The following TESK2 variants were observed in gnomAD, a reference collection of about 807,000 sequenced individuals.
The protein encoded by TESK2 is dual specificity testis-specific protein kinase 2.
A neutral mutation model predicts 57.1 loss-of-function variants in TESK2; 39 were observed. The observed-to-expected ratio is 0.68, with a 90% confidence interval of 0.53 to 0.89. TESK2 has a LOEUF of 0.89. TESK2 is among the 40% of genes least tolerant of loss of function. The pLI is 0.00. For missense variants in TESK2, 646 were observed against 732.1 expected (o/e 0.88, Z 1.36); for synonymous variants, 249 against 267.9 (o/e 0.93, Z 0.69).
rs1454560122 is a variant in TESK2 at position 45,457,586 on chromosome 1, C to G, written c.200G>C (p.Gly67Ala). 1 of 1,613,982 alleles carries G rather than the reference C, an allele frequency of 6.2e-7. No homozygotes were observed. The highest frequency in any genetic ancestry group is 8.5e-7 in the Non-Finnish European group (1 of 1,179,966). The change falls in exon 2 of 11, where the codon GGC becomes GCC. Residue 67 changes from glycine to alanine, a missense_variant. Transcript: ENST00000372086. Reference protein sequence around the residue: ...DDFTCEKIGSGFFSEVFKVRH... With the variant: ...DDFTCEKIGSAFFSEVFKVRH... ...CACCTTGAACACTTCAGAAAAGAAG[C>G]CAGACCCTATTTTTTCACAGGTGAA...
intron 4 of TESK2, among the ~76,000 whole-genome samples, chr1:45,380,491 CTCT>C (rs1165254917): frequency 6.6e-6 from 1 of 152,176 alleles, no homozygotes; most frequent in Non-Finnish European, 1.5e-5. Context: ...GCATCTCTTT[CTCT>C]TCTCTCTTTC....
chr1:45,479,858 G>A lies in TESK2; in HGVS notation c.-87+10994C>T, dbSNP rs562182453. Among the ~76,000 whole-genome samples, 3 of 109,422 alleles carry A rather than the reference G, an allele frequency of 2.7e-5. No individual in the cohort carries two copies. The East Asian group carries it at 8.6e-4, about 31-fold the overall frequency. 71.8% of individuals were successfully genotyped at this position (109,422 alleles called of 152,430 possible). A position where few individuals can be genotyped will look rare whatever the true frequency, so the allele number is the denominator to read the frequency against. ...TTTTGAGATGGAGTCTCACTCTGTTGCCCAGGCCAGAGTGCAGTGGCAAGA... is the reference window on the plus strand; with the variant it reads ...TTTTGAGATGGAGTCTCACTCTGTTACCCAGGCCAGAGTGCAGTGGCAAGA... On this transcript the variant is annotated intron_variant, in intron 1 of 10. Coordinates refer to ENST00000372086, the MANE Select transcript of TESK2 (RefSeq NM_007170.3).
chr1:45,346,012 A>G lies in TESK2; in HGVS notation c.880-18T>C, dbSNP rs1456310643. On this transcript the variant is annotated intron_variant, in intron 9 of 10. Transcript: ENST00000372086. The stretch of plus-strand genomic sequence containing the variant: ...GGATCCATCTGTAGGTATCCACAAC[A>G]GCCATGAGCTCTGCCCTCCATCTCC... The G allele has an allele frequency of 6.3e-7, 1 of 1,579,978 alleles. No individual in the cohort carries two copies. Among genetic ancestry groups the G allele is most frequent in the Non-Finnish European group, 8.7e-7 (1 of 1,148,938 alleles).
At chr1:45,476,889 A>G (rs534895973) in intron 1 of TESK2, among the ~76,000 whole-genome samples, 1 of 151,756 alleles carries the variant, frequency 6.6e-6, no homozygotes, top group East Asian at 2.0e-4. Flanking sequence ...ACTCATGCCT[A>G]TAATCCTACC....
intron 1 of TESK2, among the ~76,000 whole-genome samples, chr1:45,465,869 A>G (rs995889232): frequency 6.6e-6 from 1 of 152,214 alleles, no homozygotes; most frequent in Non-Finnish European, 1.5e-5. Flanking sequence ...ACAAATTATA[A>G]GTAGCAATGT....
intron 4 of TESK2, among the ~76,000 whole-genome samples, chr1:45,365,089 C>T (rs1057054637): frequency 6.6e-6 from 1 of 152,174 alleles, no homozygotes; most frequent in African/African-American, 2.4e-5. Flanking sequence ...AGCCGACATC[C>T]CATCCTGCTG....
chr1:45,433,072 T>C (rs1651048414), intron 2 of TESK2, among the ~76,000 whole-genome samples: 2 of 117,096 alleles, frequency 1.7e-5, no homozygotes, highest in Non-Finnish European at 1.8e-5. Context: ...CCGCTTTTTT[T>C]TTTTTTTTTT....
rs1651369150 is a variant in TESK2 at position 45,439,868 on chromosome 1, G to A, written c.222+17696C>T. 2.6e-5 allele frequency among the ~76,000 whole-genome samples: 4 copies of A among 152,238 alleles called. No individual in the cohort carries two copies. In the South Asian group the frequency reaches 8.3e-4, roughly 32 times the overall value. On this transcript the variant is annotated intron_variant, in intron 2 of 10. Transcript: ENST00000372086. ...AGCCATTCAAGAGGCTGAGGCAGGA[G>A]GATCACTTGAGCCCAGCAGTTCCAG...
intron 2 of TESK2, among the ~76,000 whole-genome samples, chr1:45,447,226 A>C (rs998199): frequency 0.53 from 80,027 of 152,054 alleles, 21,493 homozygotes; most frequent in African/African-American, 0.63. Flanking sequence ...AAAAACAACA[A>C]AAAATGAAAT....
At chr1:45,410,328 G>A (rs896163704) in intron 3 of TESK2, among the ~76,000 whole-genome samples, 1 of 151,508 alleles carries the variant, frequency 6.6e-6, no homozygotes, top group African/African-American at 2.4e-5. Flanking sequence ...TTTAGGCTGG[G>A]AGCAGTGGCT....
At chr1:45,469,158 A>G (rs966761626) in intron 1 of TESK2, among the ~76,000 whole-genome samples, 1 of 152,172 alleles carries the variant, frequency 6.6e-6, no homozygotes, top group Non-Finnish European at 1.5e-5. Context: ...GTAATTTGAA[A>G]AGCTACCAAT....
chr1:45,384,593 A>ATTTTTTTTTTTTTTT lies in TESK2; in HGVS notation c.393+1304_393+1318dup, dbSNP rs59988269. On this transcript the variant is annotated intron_variant, in intron 4 of 10. Coordinates refer to ENST00000372086, the MANE Select transcript of TESK2 (RefSeq NM_007170.3). ...TGCCATCACATCCAGCTAATTATTA[A>ATTTTTTTTTTTTTTT]TTTTTTTTTTTTTTTTTTTTTTTTT... Among the ~76,000 whole-genome samples the ATTTTTTTTTTTTTTT allele has an allele frequency of 3.8e-4, 27 of 70,882 alleles. 4 individuals are homozygous for ATTTTTTTTTTTTTTT. The highest frequency in any genetic ancestry group is 5.7e-4 in the South Asian group (1 of 1,756). 46.5% of individuals were successfully genotyped at this position (70,882 alleles called of 152,430 possible). A position where few individuals can be genotyped will look rare whatever the true frequency, so the allele number is the denominator to read the frequency against.
chr1:45,415,657 C>G lies in TESK2; in HGVS notation c.344+6068G>C, dbSNP rs182999467. Among the ~76,000 whole-genome samples, 4 of 152,282 alleles carry G rather than the reference C, an allele frequency of 2.6e-5. No homozygotes were observed. In the East Asian group the frequency reaches 7.7e-4, roughly 29 times the overall value. On this transcript the variant is annotated intron_variant, in intron 3 of 10. Coordinates refer to ENST00000372086, the MANE Select transcript of TESK2 (RefSeq NM_007170.3). ...ACATTTACTGAGCACTTACCACATA[C>G]CAGGTACTATTCTAAGTGATTTACG...
At chr1:45,405,485 G>A (rs1391562705) in intron 3 of TESK2, among the ~76,000 whole-genome samples, 2 of 151,248 alleles carry the variant, frequency 1.3e-5, no homozygotes, top group African/African-American at 2.4e-5. Flanking sequence ...ATCCCTCACC[G>A]ATTTCCTCTT....
rs71052887 is a variant in TESK2, at chr1:45,486,782, TACACACAC to T, written c.-87+4062_-87+4069del. Among the ~76,000 whole-genome samples, 507 of 115,884 alleles carry T rather than the reference TACACACAC, an allele frequency of 4.4e-3. 6 individuals carry two copies. The highest frequency in any genetic ancestry group is 0.029 in the South Asian group (102 of 3,486). 76.0% of individuals were successfully genotyped at this position (115,884 alleles called of 152,430 possible). ...GTGGAGAGTCCCTAGCCTCCCAGCA[TACACACAC>T]ACACACACACACACACACACACACA... is the stretch of plus-strand genomic sequence containing the variant. On this transcript the variant is annotated intron_variant, in intron 1 of 10. Transcript: ENST00000372086.
At chr1:45,490,625 G>C (rs1653680037) in intron 1 of TESK2, among the ~76,000 whole-genome samples, 1 of 152,112 alleles carries the variant, frequency 6.6e-6, no homozygotes, top group African/African-American at 2.4e-5. Context: ...TTCTAAGGGG[G>C]AGCAGACGTG....
At chr1:45,433,102 G>C in intron 2 of TESK2, among the ~76,000 whole-genome samples, 1 of 99,828 alleles carries the variant, frequency 1.0e-5, no homozygotes, top group Admixed American at 1.6e-4. Flanking sequence ...TTGAGACCGA[G>C]TCTCACTCTG....
chr1:45,443,444 C>T (rs1651523191), intron 2 of TESK2, among the ~76,000 whole-genome samples: 1 of 151,486 alleles, frequency 6.6e-6, no homozygotes, highest in African/African-American at 2.4e-5. Flanking sequence ...GTGGTGCATG[C>T]CTGTGGTCCC....
chr1:45,360,583 G>A (rs373327652), intron 4 of TESK2, among the ~76,000 whole-genome samples: 151 of 144,884 alleles, frequency 1.0e-3, no homozygotes, highest in African/African-American at 3.6e-3. Flanking sequence ...AAAAGATGAG[G>A]AATCACACTT....
Sources: allele counts gnomAD v4.1 joint callset (sites outside exome capture counted in the v4.1 genomes callset), GRCh38; gene constraint gnomAD v4.1.1; transcripts MANE v1.5; gene names NCBI Gene and HGNC (gene_info 2026-07-23, HGNC 2026-07-21).